COL6A2: variants seen among roughly 807,000 people sequenced by gnomAD.
COL6A2 encodes the protein collagen alpha-2(VI) chain.
In COL6A2, 90 loss-of-function variants were observed where a neutral mutation model predicts 124.9. The observed-to-expected ratio is 0.72, with a 90% CI of 0.61 to 0.86. The LOEUF (loss-of-function observed/expected upper bound fraction) is 0.86. COL6A2 is among the 40% of genes least tolerant of loss of function. The pLI is 0.00. For synonymous variants in COL6A2, 793 were observed against 618.2 expected, an observed-to-expected ratio of 1.28 and a Z score of -4.19; for missense variants, 1,607 against 1,502.5, an observed-to-expected ratio of 1.07 and a Z score of -1.15.
In COL6A2 at chr21:46,131,946, C is replaced by T. The variant is rs1419954494; in HGVS notation, c.2462-8C>T. On this transcript the variant is annotated splice_region_variant and splice_polypyrimidine_tract_variant and intron_variant, in intron 27 of 27. Coordinates refer to ENST00000300527, the MANE Select transcript of COL6A2 (RefSeq NM_001849.4). ...CTCCGCCCAGCCCGCACCTGCGTCT[C>T]CCCACAGAGCTGTCCGTGGCACAGT... 1 of 1,591,916 alleles carries T rather than the reference C, an allele frequency of 6.3e-7. No individual in the cohort carries two copies. The highest frequency in any genetic ancestry group is 1.7e-5 in the Admixed American group (1 of 58,004).
chr21:46,129,806 G>A (rs959049853), intron 27 of COL6A2: 24 of 1,174,188 alleles, frequency 2.0e-5, no homozygotes, highest in Admixed American at 1.3e-4. Flanking sequence ...ACTCACTCCC[G>A]TCTGCAGAGT....
chr21:46,114,658 C>T (rs996977060), intron 5 of COL6A2, among the ~76,000 whole-genome samples: 2 of 152,146 alleles, frequency 1.3e-5, no homozygotes, highest in African/African-American at 4.8e-5. Context: ...AATATGATTG[C>T]TCATTAATAT....
At chr21:46,099,573 A>T (rs1303403424) in intron 1 of COL6A2, among the ~76,000 whole-genome samples, 1 of 151,958 alleles carries the variant, frequency 6.6e-6, no homozygotes, top group Non-Finnish European at 1.5e-5. Flanking sequence ...GTTTATGCAA[A>T]GTCGGGCGCC....
At chr21:46,126,698 G>A (rs956341330) in intron 27 of COL6A2, among the ~76,000 whole-genome samples, 157 bp downstream of exon 27, 7 of 152,190 alleles carry the variant, frequency 4.6e-5, no homozygotes, top group Non-Finnish European at 1.5e-5. Context: ...CCCCAGGATG[G>A]CAGCACAGGG....
Position 46,121,578 on chromosome 21 carries a change from A to C in COL6A2, c.1481A>C (p.Asp494Ala). ...CAGGGATCTCGGGGAGACCCCGGTG[A>C]TGCAGGACCCCGTGGAGACTCAGGA... ...GKQGSRGDPG[D>A]AGPRGDSGQP... is the part of the protein sequence containing the mutation. The change falls in exon 18 of 28, where the codon GAT (aspartate) becomes GCT (alanine). Residue 494 changes from aspartate (D) to alanine (A), a missense_variant. By Grantham distance (126) the Asp-to-Ala change is moderately radical (BLOSUM62 -2). Transcript: ENST00000300527. 6.2e-7 allele frequency: 1 copy of C among 1,612,768 alleles called. No individual in the cohort carries two copies. Among genetic ancestry groups the C allele is most frequent in the Non-Finnish European group, 8.5e-7 (1 of 1,179,934 alleles).
intron 1 of COL6A2, chr21:46,098,759 C>G (rs2078254661): frequency 6.6e-6 from 1 of 152,212 alleles, no homozygotes. Flanking sequence ...CTGGAGCCCA[C>G]CAGGGCCCCG....
At chr21:46,120,378 T>C (rs796597567) in intron 15 of COL6A2, 137 bp from the exon 16 acceptor site, 4 of 682,076 alleles carry the variant, frequency 5.9e-6, no homozygotes, top group African/African-American at 5.5e-5. Context: ...CAGGCGACTG[T>C]TGCAGGTCCC....
chr21:46,129,045 C>A (rs1316513676), intron 27 of COL6A2: 28 of 1,600,936 alleles, frequency 1.7e-5, no homozygotes, highest in African/African-American at 4.0e-5. Context: ...CAAGGCCGAG[C>A]CACACACCCG....
Position 46,131,249 on chromosome 21 carries a change from C to G in COL6A2, c.2462-705C>G, listed in dbSNP as rs573675979. ...TCTCTGGCCCCACGTGACACCCACA[C>G]GTGTGGTAGGCAGCCTGGCCTGGGT... is the stretch of plus-strand genomic sequence containing the variant. On this transcript the variant is annotated intron_variant, in intron 27 of 27. Transcript: ENST00000300527. Among the ~76,000 whole-genome samples the G allele has an allele frequency of 1.3e-3, 203 of 152,340 alleles. 3 individuals are homozygous for G. Among genetic ancestry groups the G allele is most frequent in the African/African-American group, 4.7e-3 (195 of 41,590 alleles).
chr21:46,124,781 G>T, intron 22 of COL6A2, 68 bp downstream of exon 22: 1 of 1,602,990 alleles, frequency 6.2e-7, no homozygotes. Flanking sequence ...CAAGCCTCGT[G>T]GTTCTGCCCA....
chr21:46,125,494 G>A lies in COL6A2; in HGVS notation c.1846G>A (p.Val616Met), dbSNP rs746193653. The A allele has an allele frequency of 7.4e-6, 12 of 1,612,872 alleles. No individual in the cohort carries two copies. The highest frequency in any genetic ancestry group is 3.3e-5 in the South Asian group (3 of 91,094). ...TGAGAAGCGCTGTGGCGCCCTGGAC[G>A]TGGTCTTCGTCATCGACAGCTCCGA... ...DCEKRCGALD[V>M]VFVIDSSESI... The change falls in exon 25 of 28, where the codon GTG becomes ATG. Residue 616 changes from valine (V) to methionine (M), a missense_variant. Around this residue, in one of 3 missense-constraint regions of COL6A2, gnomAD observed 1,223 missense variants for 1,052.2 expected, o/e 1.16. Coordinates refer to ENST00000300527, the MANE Select transcript of COL6A2 (RefSeq NM_001849.4).
rs370155138 is a variant in COL6A2 at position 46,132,556 on chromosome 21, C to T, written c.*4C>T. 193 of 1,591,084 alleles carry T rather than the reference C, an allele frequency of 1.2e-4. No homozygotes were observed. Among genetic ancestry groups the T allele is most frequent in the East Asian group, 5.7e-4 (25 of 44,168 alleles). ...CTTCATCCGCTGGATCTGCTAGCGC[C>T]GCCGCCCGGGCCCCGCAGTCGAGGG... On this transcript the variant is annotated 3_prime_UTR_variant, in exon 28 of 28. Coordinates refer to ENST00000300527, the MANE Select transcript of COL6A2 (RefSeq NM_001849.4).
rs1156752304 is a variant in COL6A2, at chr21:46,116,872, G to A, written c.999+58G>A. 1.0e-5 allele frequency: 16 copies of A among 1,590,494 alleles called. No individual in the cohort carries two copies. The highest frequency in any genetic ancestry group is 2.2e-5 in the South Asian group (2 of 90,406). ...GTCTCACAGAGGCATCCCAGCCTCT[G>A]CAGGGCCCCCAGATCCAGCCTGATC... On this transcript the variant is annotated intron_variant, in intron 10 of 27. Coordinates refer to ENST00000300527, the MANE Select transcript of COL6A2 (RefSeq NM_001849.4). This position sits in a 1 kb window ranked among gnomAD's most constrained non-coding sequence, Gnocchi z 4.6.
rs779674227 is a variant in COL6A2 at position 46,118,646 on chromosome 21, C to T, written c.1149C>T (p.Pro383=). Residue 383 remains proline (P), a synonymous_variant, in exon 13 of 28, where the codon CCC becomes CCT. Coordinates refer to ENST00000300527, the MANE Select transcript of COL6A2 (RefSeq NM_001849.4). The part of the protein sequence containing the change: ...GDPGRPGRRG[P]PGEIGAKGSK... ...CTGGCCGCCCAGGACGCAGAGGGCC[C>T]CCGGGAGAAATCGGGGCCAAGGGAA... is the stretch of plus-strand genomic sequence containing the variant. The T allele has an allele frequency of 1.2e-6, 2 of 1,612,244 alleles. No individual in the cohort carries two copies. Among genetic ancestry groups the T allele is most frequent in the Non-Finnish European group, 1.7e-6 (2 of 1,179,822 alleles).
intron 27 of COL6A2, chr21:46,128,828 G>A (rs1167272319): frequency 7.3e-6 from 9 of 1,238,442 alleles, no homozygotes; most frequent in Non-Finnish European, 9.5e-6. Context: ...GCTCTTGAGG[G>A]GTGGCTGGGG....
chr21:46,129,493 G>A (rs1170988185), intron 27 of COL6A2: 24 of 1,567,958 alleles, frequency 1.5e-5, no homozygotes, highest in Non-Finnish European at 2.1e-5. Flanking sequence ...CTCTGCTAAA[G>A]CCCGGGCACC....
chr21:46,130,055 G>C (rs984045020), intron 27 of COL6A2, among the ~76,000 whole-genome samples: 1 of 152,140 alleles, frequency 6.6e-6, no homozygotes, highest in Non-Finnish European at 1.5e-5. Context: ...ATGGTGACTC[G>C]TGGGCGCTCA....
intron 5 of COL6A2, among the ~76,000 whole-genome samples, chr21:46,115,593 C>T (rs2078458505): frequency 3.3e-5 from 5 of 152,324 alleles, no homozygotes; most frequent in Admixed American, 2.6e-4. Context: ...GAAGGGACCC[C>T]CACGGGCCAG....
At chr21:46,128,334 C>T (rs148023446) in intron 27 of COL6A2, among the ~76,000 whole-genome samples, 2 of 152,258 alleles carry the variant, frequency 1.3e-5, no homozygotes, top group Admixed American at 6.5e-5. Context: ...CAGAGCTCAT[C>T]CTCCTTCCCA....
Sources: allele counts gnomAD v4.1 joint callset (sites outside exome capture counted in the v4.1 genomes callset), GRCh38; gene constraint gnomAD v4.1.1; regional missense constraint gnomAD v4.1.1; non-coding constraint Gnocchi (gnomAD v3.1); transcripts MANE v1.5; gene names NCBI Gene and HGNC (gene_info 2026-07-23, HGNC 2026-07-21).